The following RABGAP1L variants were observed in gnomAD, a reference collection of about 807,000 sequenced individuals.
RABGAP1L encodes the protein RAB GTPase activating protein 1 like, also known as rab GTPase-activating protein 1-like.
In RABGAP1L, 63 loss-of-function variants were observed where a neutral mutation model predicts 137.7. The observed-to-expected ratio is 0.46, with a 90% confidence interval of 0.37 to 0.56. The LOEUF is 0.56. Among genes scored for constraint, RABGAP1L ranks in the 20% least tolerant of loss-of-function variants. RABGAP1L has a pLI of 0.00. For missense variants in RABGAP1L, 1,095 were observed against 1,244.0 expected, an observed-to-expected ratio of 0.88 and a Z score of 1.80; for synonymous variants, 431 against 433.7, an observed-to-expected ratio of 0.99 and a Z score of 0.08.
intron 13 of RABGAP1L, among the ~76,000 whole-genome samples, chr1:174,417,097 A>G (rs976611349): frequency 1.3e-5 from 2 of 152,172 alleles, no homozygotes; most frequent in Admixed American, 6.5e-5. Context: ...CAAAAACCGC[A>G]ATTACTTTTG....
chr1:174,383,709 A>T (rs1686445775), intron 12 of RABGAP1L, among the ~76,000 whole-genome samples: 1 of 152,092 alleles, frequency 6.6e-6, no homozygotes, highest in South Asian at 2.1e-4. Flanking sequence ...TAGTGAGATG[A>T]ACCCGGTACC....
intron 8 of RABGAP1L, among the ~76,000 whole-genome samples, 182 bp downstream of exon 8, chr1:174,272,662 T>C (rs1674656313): frequency 6.6e-6 from 1 of 152,034 alleles, no homozygotes. Context: ...TTCAGGACAA[T>C]TTCCACCAAA....
chr1:174,822,977 A>C (rs1336433202), intron 19 of RABGAP1L, among the ~76,000 whole-genome samples: 1 of 152,250 alleles, frequency 6.6e-6, no homozygotes, highest in Non-Finnish European at 1.5e-5. Flanking sequence ...AAATTGATTT[A>C]TATTTGGGCA....
chr1:174,380,492 C>G (rs1686030184), intron 12 of RABGAP1L, among the ~76,000 whole-genome samples: 1 of 151,640 alleles, frequency 6.6e-6, no homozygotes, highest in South Asian at 2.1e-4. Context: ...TTCAGAGATT[C>G]AACTTCTTCC....
intron 11 of RABGAP1L, among the ~76,000 whole-genome samples, chr1:174,354,013 G>A (rs1322721336): frequency 6.6e-6 from 1 of 152,146 alleles, no homozygotes; most frequent in Non-Finnish European, 1.5e-5. Context: ...TTGACTATCT[G>A]ATTTCATGTT....
intron 13 of RABGAP1L, among the ~76,000 whole-genome samples, chr1:174,503,960 ACT>A (rs1224675515): frequency 1.7e-5 from 2 of 116,332 alleles, no homozygotes; most frequent in Non-Finnish European, 3.3e-5. Context: ...GATTCAATAG[ACT>A]CTTTTTTTTT....
intron 14 of RABGAP1L, among the ~76,000 whole-genome samples, chr1:174,681,766 G>A (rs1678084033): frequency 6.6e-6 from 1 of 152,146 alleles, no homozygotes; most frequent in African/African-American, 2.4e-5. Flanking sequence ...TTTGGCACAT[G>A]GGGAATACTA....
intron 10 of RABGAP1L, among the ~76,000 whole-genome samples, chr1:174,281,455 CAG>C (rs755087254): frequency 1.3e-5 from 2 of 152,178 alleles, no homozygotes; most frequent in African/African-American, 2.4e-5. Context: ...TTTAGCTAGA[CAG>C]AGTGCTGATT....
At chr1:174,720,003 A>T (rs1031934106) in intron 17 of RABGAP1L, among the ~76,000 whole-genome samples, 2 of 152,008 alleles carry the variant, frequency 1.3e-5, no homozygotes, top group Non-Finnish European at 2.9e-5. Context: ...GTTCATAGCA[A>T]CTTTCACTAG....
rs1572849854 is a variant in RABGAP1L, at chr1:174,699,595, G to A, written c.1970G>A (p.Arg657Lys). 2.5e-6 allele frequency: 4 copies of A among 1,609,890 alleles called. No individual in the cohort carries two copies. The East Asian group carries it at 6.7e-5, about 27-fold the overall frequency. The change falls in exon 16 of 26, where the codon AGA (arginine) becomes AAA (lysine). Residue 657 changes from arginine (R) to lysine (K), a missense_variant. Arg to Lys is a conservative substitution (Grantham distance 26, BLOSUM62 2). Transcript: ENST00000681986. ...GACTATGGTTTGAGAGACCTCTACA[G>A]AAACAACTTCGAAGATCTTCATTGC... ...MYDYGLRDLY[R>K]NNFEDLHCKF...
intron 13 of RABGAP1L, among the ~76,000 whole-genome samples, chr1:174,484,597 G>T (rs999717432): frequency 9.9e-5 from 15 of 152,056 alleles, no homozygotes; most frequent in Non-Finnish European, 4.4e-5. Flanking sequence ...GAGAGATAGG[G>T]TTCTTCTGCA....
chr1:174,372,398 G>A (rs1443558019), intron 12 of RABGAP1L, among the ~76,000 whole-genome samples: 1 of 152,060 alleles, frequency 6.6e-6, no homozygotes. Flanking sequence ...TATAGGCAGT[G>A]CTTTTTTCGG....
intron 11 of RABGAP1L, among the ~76,000 whole-genome samples, chr1:174,321,998 C>G (rs924680713): frequency 6.6e-6 from 1 of 151,208 alleles, no homozygotes; most frequent in African/African-American, 2.4e-5. Context: ...ATTTTTTTAT[C>G]AGATGTGTTT....
chr1:174,773,913 C>G (rs1256072470), intron 18 of RABGAP1L, among the ~76,000 whole-genome samples: 1 of 152,208 alleles, frequency 6.6e-6, no homozygotes, highest in African/African-American at 2.4e-5. Context: ...TCAGAGGATT[C>G]ACTGCCCAAT....
intron 13 of RABGAP1L, among the ~76,000 whole-genome samples, chr1:174,561,306 G>A (rs1667196607): frequency 6.6e-6 from 1 of 152,192 alleles, no homozygotes; most frequent in African/African-American, 2.4e-5. Flanking sequence ...TTACAGGGAT[G>A]TGAAGGACCT....
intron 13 of RABGAP1L, among the ~76,000 whole-genome samples, chr1:174,466,028 G>T (rs1291082512): frequency 6.6e-6 from 1 of 152,188 alleles, no homozygotes; most frequent in East Asian, 1.9e-4. Flanking sequence ...GGGATGAGTA[G>T]TTGCCATATT....
At chr1:174,738,677 G>C (rs964424511) in intron 17 of RABGAP1L, among the ~76,000 whole-genome samples, 3 of 152,138 alleles carry the variant, frequency 2.0e-5, no homozygotes, top group Non-Finnish European at 4.4e-5. Context: ...TAAGCTAGTT[G>C]GTGGCAGAAA....
At chr1:174,775,277 G>T (rs772443864) in intron 18 of RABGAP1L, among the ~76,000 whole-genome samples, 3 of 151,740 alleles carry the variant, frequency 2.0e-5, no homozygotes, top group East Asian at 1.9e-4. Flanking sequence ...GCCATGTGCC[G>T]TGTTAAAATT....
chr1:174,243,642 C>T (rs994855101), intron 5 of RABGAP1L, among the ~76,000 whole-genome samples: 4 of 152,200 alleles, frequency 2.6e-5, no homozygotes, highest in Admixed American at 1.3e-4. Context: ...ATACTCATAA[C>T]AGCCCGTGAC....
Sources: gnomAD v4.1 joint callset for allele counts (sites outside exome capture counted in the v4.1 genomes callset) on GRCh38, gnomAD v4.1.1 for gene constraint, MANE v1.5 for transcripts, NCBI Gene and HGNC (gene_info 2026-07-23, HGNC 2026-07-21) for gene names.